TENM3: variants seen among roughly 807,000 people sequenced by gnomAD.
TENM3 encodes teneurin transmembrane protein 3.
TENM3 carries 63 observed loss-of-function variants against 255.1 expected under a neutral mutation model. The ratio of observed to expected loss-of-function variants is 0.25; its 90% confidence interval spans 0.20 to 0.30. TENM3 has a LOEUF of 0.30. Among genes scored for constraint, TENM3 ranks in the 10% least tolerant of loss-of-function variants. TENM3 has a pLI of 1.00. For synonymous variants in TENM3, 1,306 were observed against 1,322.3 expected, an observed-to-expected ratio of 0.99 and a Z score of 0.27; for missense variants, 2,929 against 3,461.1, an observed-to-expected ratio of 0.85 and a Z score of 3.86.
the TENM3 span, among the ~76,000 whole-genome samples, chr4:181,790,487 G>A: frequency 6.6e-6 from 1 of 152,084 alleles, no homozygotes; most frequent in African/African-American, 2.4e-5. Context: ...TAAGTTTCTT[G>A]CATGGTTAGA....
the TENM3 span, among the ~76,000 whole-genome samples, chr4:181,462,158 A>T: frequency 3.3e-5 from 5 of 152,158 alleles, no homozygotes; most frequent in Non-Finnish European, 7.4e-5. Context: ...AAAATTATTT[A>T]TGTGTCATGA....
intron 4 of TENM3, among the ~76,000 whole-genome samples, chr4:182,625,343 C>G (rs1412168760): frequency 6.6e-6 from 1 of 152,138 alleles, no homozygotes; most frequent in Non-Finnish European, 1.5e-5. Context: ...AGCTCCGCCT[C>G]CTGTCAGATC....
At chr4:182,030,837 G>A in the TENM3 span, among the ~76,000 whole-genome samples, 1 of 152,064 alleles carries the variant, frequency 6.6e-6, no homozygotes, top group Non-Finnish European at 1.5e-5. Flanking sequence ...TGTTTATTGG[G>A]CACATAAATA....
intron 18 of TENM3, among the ~76,000 whole-genome samples, chr4:182,738,757 G>A (rs1375999465): frequency 6.6e-6 from 1 of 152,162 alleles, no homozygotes; most frequent in Non-Finnish European, 1.5e-5. Context: ...ACTTTAAAAT[G>A]TTCATGAATT....
intron 1 of TENM3, among the ~76,000 whole-genome samples, chr4:182,278,254 C>A (rs1760135719): frequency 6.6e-6 from 1 of 152,088 alleles, no homozygotes; most frequent in African/African-American, 2.4e-5. Context: ...GTAATCCCAG[C>A]TACTCGGGAG....
intron 27 of TENM3, among the ~76,000 whole-genome samples, chr4:182,797,899 T>G (rs1766613199): frequency 6.6e-6 from 1 of 152,172 alleles, no homozygotes; most frequent in Non-Finnish European, 1.5e-5. Context: ...CCAGTACCTG[T>G]TTTTTGTTGT....
intron 3 of TENM3, among the ~76,000 whole-genome samples, chr4:182,438,849 A>T (rs1396936831): frequency 6.6e-6 from 1 of 152,250 alleles, no homozygotes; most frequent in Non-Finnish European, 1.5e-5. Context: ...GAATGATCAC[A>T]TTGTACAAAG....
the TENM3 span, among the ~76,000 whole-genome samples, chr4:181,699,959 G>A: frequency 5.9e-5 from 9 of 152,110 alleles, no homozygotes; most frequent in African/African-American, 2.2e-4. Context: ...TAATGAGGTA[G>A]GCCTATTTTT....
At chr4:182,549,598 CT>C in intron 3 of TENM3, among the ~76,000 whole-genome samples, 1 of 152,296 alleles carries the variant, frequency 6.6e-6, no homozygotes, top group African/African-American at 2.4e-5. Context: ...TCGAGTCACG[CT>C]TCCAGGGCCC....
chr4:182,445,622 TA>T (rs1311936314), intron 3 of TENM3, among the ~76,000 whole-genome samples: 2 of 151,970 alleles, frequency 1.3e-5, no homozygotes, highest in African/African-American at 2.4e-5. Context: ...TTTTTTTTTT[TA>T]AATACAATTT....
intron 24 of TENM3, among the ~76,000 whole-genome samples, chr4:182,782,899 A>T (rs1284447079): frequency 6.6e-6 from 1 of 150,630 alleles, no homozygotes; most frequent in Non-Finnish European, 1.5e-5. Context: ...TTTGTTTTCC[A>T]TTGGCTTGGT....
At chr4:181,514,322 T>G in the TENM3 span, among the ~76,000 whole-genome samples, 2 of 152,220 alleles carry the variant, frequency 1.3e-5, no homozygotes, top group African/African-American at 4.8e-5. Context: ...ACTTACTCTG[T>G]GCCTACCTCA....
chr4:182,760,907 GC>G (rs1282236685), intron 22 of TENM3, among the ~76,000 whole-genome samples: 1 of 152,152 alleles, frequency 6.6e-6, no homozygotes, highest in Non-Finnish European at 1.5e-5. Flanking sequence ...CTACGCCTAA[GC>G]CTATTTCAAG....
chr4:182,356,823 C>T (rs1472923427), intron 3 of TENM3, among the ~76,000 whole-genome samples: 2 of 150,488 alleles, frequency 1.3e-5, no homozygotes, highest in South Asian at 2.1e-4. Flanking sequence ...CCCACTAACT[C>T]GTCATCTAGC....
At chr4:182,692,976 CT>C (rs1757121225) in intron 12 of TENM3, among the ~76,000 whole-genome samples, 1 of 151,980 alleles carries the variant, frequency 6.6e-6, no homozygotes, top group Non-Finnish European at 1.5e-5. Context: ...ATAATTTCTG[CT>C]TTATTTGGAA....
the TENM3 span, among the ~76,000 whole-genome samples, chr4:181,470,585 G>A: frequency 6.6e-6 from 1 of 152,106 alleles, no homozygotes; most frequent in Admixed American, 6.6e-5. Context: ...ACCTACTGAA[G>A]CATTTCTTCC....
the TENM3 span, among the ~76,000 whole-genome samples, chr4:181,685,687 CG>C: frequency 6.6e-6 from 1 of 152,162 alleles, no homozygotes; most frequent in African/African-American, 2.4e-5. Context: ...TGCCAAAGGA[CG>C]GATGGGCACC....
At chr4:181,989,649 A>G in the TENM3 span, among the ~76,000 whole-genome samples, 1 of 152,122 alleles carries the variant, frequency 6.6e-6, no homozygotes, top group Non-Finnish European at 1.5e-5. Flanking sequence ...CTGGCTGTCT[A>G]TGCACATAAA....
intron 3 of TENM3, among the ~76,000 whole-genome samples, chr4:182,475,437 AGT>A (rs1733588199): frequency 6.6e-6 from 1 of 152,004 alleles, no homozygotes. Flanking sequence ...GTTTTGTGAA[AGT>A]GTAACTTACT....
Sources: allele counts gnomAD v4.1 joint callset (sites outside exome capture counted in the v4.1 genomes callset), GRCh38; gene constraint gnomAD v4.1.1; transcripts MANE v1.5; gene names NCBI Gene and HGNC (gene_info 2026-07-23, HGNC 2026-07-21).